The following GPR146 variants were observed in gnomAD, a reference collection of about 807,000 sequenced individuals.
GPR146 encodes the protein G-protein coupled receptor 146.
For synonymous variants in GPR146, 203 were observed against 104.3 expected (o/e 1.95, Z -5.77); for missense variants, 381 against 213.9 (o/e 1.78, Z -4.87).
intron 1 of GPR146, among the ~76,000 whole-genome samples, chr7:1,051,999 A>G (rs1783156845): frequency 6.6e-6 from 1 of 152,162 alleles, no homozygotes; most frequent in Non-Finnish European, 1.5e-5. Flanking sequence ...ATAAAAACAG[A>G]AGGAGGAACA....
chr7:1,049,573 G>A (rs1478443899), intron 1 of GPR146, among the ~76,000 whole-genome samples: 3 of 152,158 alleles, frequency 2.0e-5, no homozygotes, highest in Non-Finnish European at 1.5e-5. Context: ...GACGGAGGGC[G>A]AGGGAGTTTC....
rs1784130775 is a variant in GPR146 at position 1,058,546 on chromosome 7, C to T, written c.*29C>T. 2 of 758,728 alleles carry T rather than the reference C, an allele frequency of 2.6e-6. No homozygotes were observed. Among genetic ancestry groups the T allele is most frequent in the South Asian group, 1.4e-5 (1 of 71,416 alleles). The allele number at this position is 758,728 out of a possible 1,614,324, so 47.0% of individuals were successfully genotyped here. ...GCCCAGCCCTCCTGGGGAGACGTGA[C>T]TCTGGTGGACGCAGAGCACTTAGTT... On this transcript the variant is annotated 3_prime_UTR_variant, in exon 2 of 2. Coordinates refer to ENST00000444847, the MANE Select transcript of GPR146 (RefSeq NM_001303473.2).
chr7:1,057,457 G>C, intron 1 of GPR146, 35 bp from the exon 2 acceptor site: 1 of 689,576 alleles, frequency 1.5e-6, no homozygotes, highest in South Asian at 1.6e-5. Context: ...TTTGGGACGG[G>C]ACGCGAGCTG....
intron 1 of GPR146, among the ~76,000 whole-genome samples, chr7:1,053,952 T>G (rs1303652261): frequency 2.0e-5 from 3 of 152,222 alleles, no homozygotes; most frequent in Non-Finnish European, 4.4e-5. Flanking sequence ...GGGACCCTGT[T>G]CCTACCACGA....
At chr7:1,048,438 TCA>T (rs1020464325) in intron 1 of GPR146, among the ~76,000 whole-genome samples, 1 of 151,964 alleles carries the variant, frequency 6.6e-6, no homozygotes, top group African/African-American at 2.4e-5. Flanking sequence ...TCTCTCTCTC[TCA>T]CACACACATA....
rs1784052476 is a variant in GPR146 at position 1,058,109 on chromosome 7, G to GC, written c.596dup (p.Ala200SerfsTer237). On this transcript the variant is annotated frameshift_variant, in exon 2 of 2. Transcript: ENST00000444847. LOFTEE classifies it low-confidence loss of function (END_TRUNC). Reference sequence around the variant, plus strand: ...CGCTGGTGTTCATCGGCTACGTGGTGCCAGCACTGGCCACCCTCTACGCGC... The same window carrying GC: ...CGCTGGTGTTCATCGGCTACGTGGTGCCCAGCACTGGCCACCCTCTACGCGC... 1 of 762,170 alleles carries GC rather than the reference G, an allele frequency of 1.3e-6. No homozygotes were observed. Among genetic ancestry groups the GC allele is most frequent in the African/African-American group, 1.7e-5 (1 of 59,210 alleles). The allele number at this position is 762,170 out of a possible 1,614,324, so 47.2% of individuals were successfully genotyped here.
At chr7:1,055,434 G>A (rs907444367) in intron 1 of GPR146, 19 of 466,674 alleles carry the variant, frequency 4.1e-5, no homozygotes, top group Admixed American at 9.4e-5. Context: ...GCTGCTCACC[G>A]ACAGTGGCCA....
chr7:1,058,963 G>C lies in GPR146; in HGVS notation c.*446G>C, dbSNP rs911250045. On this transcript the variant is annotated 3_prime_UTR_variant, in exon 2 of 2. Coordinates refer to ENST00000444847, the MANE Select transcript of GPR146 (RefSeq NM_001303473.2). ...CCTACGAAAGAATGGCAACAGCCAG[G>C]GTGGCCGGGCCCTGCCAGTGGGCGG... is the stretch of plus-strand genomic sequence containing the variant. 1.1e-5 allele frequency: 2 copies of C among 187,130 alleles called. No homozygotes were observed. The highest frequency in any genetic ancestry group is 2.7e-4 in the South Asian group (2 of 7,312). 11.6% of individuals were successfully genotyped at this position (187,130 alleles called of 1,614,324 possible).
intron 1 of GPR146, among the ~76,000 whole-genome samples, chr7:1,047,527 C>G (rs1311871763): frequency 1.3e-5 from 2 of 152,238 alleles, no homozygotes; most frequent in African/African-American, 4.8e-5. Flanking sequence ...GCATCTGGCT[C>G]CTAGGAGCTG....
intron 1 of GPR146, among the ~76,000 whole-genome samples, chr7:1,054,710 G>A (rs981800383): frequency 2.6e-5 from 4 of 152,164 alleles, no homozygotes; most frequent in Admixed American, 6.5e-5. Flanking sequence ...GGCCCCACGC[G>A]GTTCCACCTG....
At chr7:1,054,193 T>C (rs1456566942) in intron 1 of GPR146, among the ~76,000 whole-genome samples, 5 of 152,144 alleles carry the variant, frequency 3.3e-5, no homozygotes, top group African/African-American at 1.2e-4. Context: ...AAAGGAGGGC[T>C]CCAGGGAGAA....
chr7:1,048,421 A>C (rs1218114922), intron 1 of GPR146, among the ~76,000 whole-genome samples: 2 of 152,058 alleles, frequency 1.3e-5, no homozygotes, highest in East Asian at 1.9e-4. Context: ...TGCAGGCGCT[A>C]TGATGCTCTC....
chr7:1,058,556 C>A lies in GPR146; in HGVS notation c.*39C>A, dbSNP rs751773532. 2 of 746,434 alleles carry A rather than the reference C, an allele frequency of 2.7e-6. No homozygotes were observed. The highest frequency in any genetic ancestry group is 2.5e-6 in the Non-Finnish European group (1 of 401,238). The allele number at this position is 746,434 out of a possible 1,614,324, so 46.2% of individuals were successfully genotyped here. The stretch of plus-strand genomic sequence containing the variant: ...CCTGGGGAGACGTGACTCTGGTGGA[C>A]GCAGAGCACTTAGTTACCCTGGACG... On this transcript the variant is annotated 3_prime_UTR_variant, in exon 2 of 2. Transcript: ENST00000444847.
At chr7:1,048,935 A>C (rs1041965811) in intron 1 of GPR146, among the ~76,000 whole-genome samples, 8 of 152,244 alleles carry the variant, frequency 5.3e-5, no homozygotes, top group African/African-American at 1.9e-4. Flanking sequence ...GTACTAGTGA[A>C]ACATCGGGAA....
rs1784151423 is a variant in GPR146 at position 1,058,728 on chromosome 7, G to A, written c.*211G>A. ...GGCATCTGGCTTGAGTCTCCCCGAGGCCTGTGCGTCTCCCAAACACGCAGC... is the reference window on the plus strand; with the variant it reads ...GGCATCTGGCTTGAGTCTCCCCGAGACCTGTGCGTCTCCCAAACACGCAGC... On this transcript the variant is annotated 3_prime_UTR_variant, in exon 2 of 2. Coordinates refer to ENST00000444847, the MANE Select transcript of GPR146 (RefSeq NM_001303473.2). 1.7e-6 allele frequency: 1 copy of A among 587,638 alleles called. No homozygotes were observed. Among genetic ancestry groups the A allele is most frequent in the South Asian group, 2.2e-5 (1 of 45,532 alleles). The allele number at this position is 587,638 out of a possible 1,614,324, so 36.4% of individuals were successfully genotyped here.
chr7:1,051,647 G>A (rs761754328), intron 1 of GPR146, among the ~76,000 whole-genome samples: 1 of 152,228 alleles, frequency 6.6e-6, no homozygotes, highest in Non-Finnish European at 1.5e-5. Context: ...GGCAGTAGGT[G>A]CAAGGCTGGC....
At position 1,047,738 on chromosome 7, in the gene GPR146, C is replaced by T. The variant is rs538738305; in HGVS notation, c.-25+3080C>T. Among the ~76,000 whole-genome samples the T allele has an allele frequency of 1.7e-3, 253 of 152,322 alleles. 2 individuals are homozygous for T. Among genetic ancestry groups the T allele is most frequent in the South Asian group, 0.015 (74 of 4,828 alleles). On this transcript the variant is annotated intron_variant, in intron 1 of 1. Coordinates refer to ENST00000444847, the MANE Select transcript of GPR146 (RefSeq NM_001303473.2). ...CCTGAGGATGCAGTGCCTGGGGCCT[C>T]GCAGTTCTCTTTCCACTCAAATCTA...
chr7:1,048,330 G>A (rs568264231), intron 1 of GPR146, among the ~76,000 whole-genome samples: 4 of 152,162 alleles, frequency 2.6e-5, no homozygotes, highest in Non-Finnish European at 4.4e-5. Context: ...CATCAAAAGC[G>A]ATGGCTTTTG....
At position 1,059,024 on chromosome 7, in the gene GPR146, C is replaced by G. The variant is rs1784191265; in HGVS notation, c.*507C>G. On this transcript the variant is annotated 3_prime_UTR_variant, in exon 2 of 2. Coordinates refer to ENST00000444847, the MANE Select transcript of GPR146 (RefSeq NM_001303473.2). ...CAAGGCCTGCCGGGTGTGCCGCAGT[C>G]ACCACAGGGTTCTGAGAACATTTCA... is the stretch of plus-strand genomic sequence containing the variant. The G allele has an allele frequency of 5.5e-6, 1 of 181,332 alleles. No individual in the cohort carries two copies. Among genetic ancestry groups the G allele is most frequent in the Non-Finnish European group, 1.3e-5 (1 of 75,654 alleles). 11.2% of individuals were successfully genotyped at this position (181,332 alleles called of 1,614,324 possible).
Sources: allele counts gnomAD v4.1 joint callset (sites outside exome capture counted in the v4.1 genomes callset), GRCh38; gene constraint gnomAD v4.1.1; transcripts MANE v1.5; gene names NCBI Gene and HGNC (gene_info 2026-07-23, HGNC 2026-07-21).